Variants in TMEM156 observed in about 807,000 individuals in gnomAD.
The protein encoded by TMEM156 is transmembrane protein 156.
Under a neutral mutation model 30.5 loss-of-function variants are expected in TMEM156, and 28 were observed. The observed-to-expected ratio is 0.92, with a 90% CI of 0.68 to 1.26. The LOEUF is 1.26. TMEM156 is among the 50% of genes most tolerant of loss of function. The probability of loss-of-function intolerance (pLI) is 0.00; values close to 1 mark genes in which losing one functional copy is unlikely to be tolerated. For missense variants in TMEM156, 351 were observed against 340.6 expected, an observed-to-expected ratio of 1.03 and a Z score of -0.24; for synonymous variants, 137 against 119.9, an observed-to-expected ratio of 1.14 and a Z score of -0.93.
intron 1 of TMEM156, among the ~76,000 whole-genome samples, chr4:39,010,145 C>T (rs1714011077): frequency 6.6e-6 from 1 of 151,850 alleles, no homozygotes; most frequent in Non-Finnish European, 1.5e-5. Flanking sequence ...TTTAAAATAA[C>T]CACAAAAAAA....
At chr4:38,991,465 C>G (rs1446665212) in intron 3 of TMEM156, among the ~76,000 whole-genome samples, 3 of 152,068 alleles carry the variant, frequency 2.0e-5, no homozygotes, top group Non-Finnish European at 4.4e-5. Context: ...AAGCAATACA[C>G]CCACCTCAGC....
intron 1 of TMEM156, among the ~76,000 whole-genome samples, chr4:39,019,030 AAAC>A (rs753397542): frequency 0.33 from 22,353 of 67,230 alleles, 2,371 homozygotes; most frequent in African/African-American, 0.46. Flanking sequence ...TAAAAAAACA[AAAC>A]AAAAAAAAAA....
intron 1 of TMEM156, among the ~76,000 whole-genome samples, chr4:39,000,190 T>C (rs1713235661): frequency 6.6e-6 from 1 of 152,106 alleles, no homozygotes; most frequent in South Asian, 2.1e-4. Flanking sequence ...GCTCAGGAGT[T>C]TGAGATCAGC....
At chr4:39,005,284 G>A (rs995778638) in intron 1 of TMEM156, among the ~76,000 whole-genome samples, 5 of 152,184 alleles carry the variant, frequency 3.3e-5, no homozygotes, top group Non-Finnish European at 7.4e-5. Flanking sequence ...GATGTTGAGG[G>A]AGGGACCTGG....
chr4:39,020,089 C>A (rs1463136139), intron 1 of TMEM156, among the ~76,000 whole-genome samples: 1 of 152,208 alleles, frequency 6.6e-6, no homozygotes, highest in Non-Finnish European at 1.5e-5. Context: ...TTTCACTTAG[C>A]ATAGTATCCC....
intron 5 of TMEM156, among the ~76,000 whole-genome samples, chr4:38,979,883 C>G (rs1292057761): frequency 6.6e-6 from 1 of 152,204 alleles, no homozygotes; most frequent in Admixed American, 6.5e-5. Context: ...ATTATGTCTC[C>G]TTATTACCAG....
At chr4:38,994,116 C>G in intron 2 of TMEM156, 118 bp from the exon 3 acceptor site, 1 of 910,726 alleles carries the variant, frequency 1.1e-6, no homozygotes, top group South Asian at 1.8e-5. Context: ...AAGAAGTTTC[C>G]TACACTAAAA....
intron 5 of TMEM156, among the ~76,000 whole-genome samples, chr4:38,974,671 GT>G (rs997450568): frequency 7.5e-6 from 1 of 132,924 alleles, no homozygotes; most frequent in African/African-American, 2.8e-5. Context: ...TTAATTAAAA[GT>G]AATTTTTTTT....
At position 39,032,217 on chromosome 4, in the gene TMEM156, T is replaced by C. The variant is rs962403691; in HGVS notation, c.88+9A>G. On this transcript the variant is annotated intron_variant, in intron 1 of 6. Transcript: ENST00000381938. ...AGAAAGGAAAGCTAGATTACAATTA[T>C]ATACTCACCTTTCGGTGTCTTGAAA... is the stretch of plus-strand genomic sequence containing the variant. 3 of 1,538,190 alleles carry C rather than the reference T, an allele frequency of 2.0e-6. No homozygotes were observed. Among genetic ancestry groups the C allele is most frequent in the South Asian group, 1.1e-5 (1 of 87,788 alleles).
intron 1 of TMEM156, among the ~76,000 whole-genome samples, chr4:39,025,073 G>A (rs1715112146): frequency 6.6e-6 from 1 of 152,096 alleles, no homozygotes; most frequent in Non-Finnish European, 1.5e-5. Flanking sequence ...AATAGGCCGG[G>A]TGCGGTGGCT....
rs551010746 is a variant in TMEM156, at chr4:39,031,652, G to A, written c.88+574C>T. Among the ~76,000 whole-genome samples the A allele has an allele frequency of 3.3e-5, 5 of 152,142 alleles. No individual in the cohort carries two copies. In the South Asian group the frequency reaches 1.0e-3, roughly 32 times the overall value. On this transcript the variant is annotated intron_variant, in intron 1 of 6. Transcript: ENST00000381938. ...TGTAATCTCAGCATTTTGGGAGGCC[G>A]AGGTGGGTGGATCACAAGGTCAGGA... is the stretch of plus-strand genomic sequence containing the variant.
chr4:39,003,077 CAT>C (rs1249915476), intron 1 of TMEM156, among the ~76,000 whole-genome samples: 4 of 152,056 alleles, frequency 2.6e-5, no homozygotes, highest in African/African-American at 9.7e-5. Flanking sequence ...TACCCCTACT[CAT>C]ATACCTTGCT....
chr4:38,967,238 A>G lies in TMEM156; in HGVS notation c.*442T>C, dbSNP rs1722388308. 6.6e-6 allele frequency: 1 copy of G among 152,224 alleles called. No homozygotes were observed. Among genetic ancestry groups the G allele is most frequent in the Admixed American group, 6.5e-5 (1 of 15,282 alleles). 9.4% of individuals were successfully genotyped at this position (152,224 alleles called of 1,614,324 possible). On this transcript the variant is annotated 3_prime_UTR_variant, in exon 7 of 7. Transcript: ENST00000381938. ...TAAAAATAATCTATCTGCATAGGAAACAATTATCAAATCAGCATCTACAAT... is the reference window on the plus strand; with the variant it reads ...TAAAAATAATCTATCTGCATAGGAAGCAATTATCAAATCAGCATCTACAAT...
At chr4:39,002,440 T>TGTAAACTA (rs1386210099) in intron 1 of TMEM156, among the ~76,000 whole-genome samples, 30 of 133,066 alleles carry the variant, frequency 2.3e-4, no homozygotes, top group African/African-American at 6.7e-4. Context: ...TTGGTGGGAC[T>TGTAAACTA]GTAAACTAGT....
intron 2 of TMEM156, among the ~76,000 whole-genome samples, chr4:38,996,487 G>A (rs562016246): frequency 2.6e-5 from 4 of 151,956 alleles, no homozygotes; most frequent in Admixed American, 6.6e-5. Flanking sequence ...CAGGAGAATC[G>A]CTTGAAACTA....
intron 1 of TMEM156, among the ~76,000 whole-genome samples, chr4:39,018,292 G>T (rs2566104): frequency 0.63 from 94,849 of 151,414 alleles, 30,252 homozygotes; most frequent in African/African-American, 0.76. Flanking sequence ...CTGACTTAAA[G>T]GTTACTTTTA....
intron 5 of TMEM156, among the ~76,000 whole-genome samples, chr4:38,979,438 G>T (rs1331496078): frequency 6.6e-6 from 1 of 152,238 alleles, no homozygotes; most frequent in Non-Finnish European, 1.5e-5. Context: ...AGGATAAAAT[G>T]AGATGAGAAC....
Position 39,007,257 on chromosome 4 carries a change from A to G in TMEM156, c.89-8348T>C, listed in dbSNP as rs574833631. Among the ~76,000 whole-genome samples, 54 of 152,250 alleles carry G rather than the reference A, an allele frequency of 3.5e-4. 1 individual carries two copies. Among genetic ancestry groups the G allele is most frequent in the African/African-American group, 1.3e-3 (53 of 41,562 alleles). The stretch of plus-strand genomic sequence containing the variant: ...TCCCGTCGCCTTGTTATTTTTCTTC[A>G]GAAGTATCTTAGCAATCCTTCGCTC... On this transcript the variant is annotated intron_variant, in intron 1 of 6. Transcript: ENST00000381938.
chr4:39,022,901 G>C (rs1278338000), intron 1 of TMEM156, among the ~76,000 whole-genome samples: 1 of 152,168 alleles, frequency 6.6e-6, no homozygotes, highest in Non-Finnish European at 1.5e-5. Context: ...GAGAAAATGA[G>C]AATTTTTTGC....
Sources: allele counts gnomAD v4.1 joint callset (sites outside exome capture counted in the v4.1 genomes callset), GRCh38; gene constraint gnomAD v4.1.1; transcripts MANE v1.5; gene names NCBI Gene and HGNC (gene_info 2026-07-23, HGNC 2026-07-21).